The following MORN1 variants were observed in gnomAD, a reference collection of about 807,000 sequenced individuals.
MORN1 encodes the protein MORN repeat containing 1, also known as MORN repeat-containing protein 1.
Under a neutral mutation model 61.9 loss-of-function variants are expected in MORN1, and 67 were observed. That is an observed-to-expected ratio of 1.08 (90% confidence interval 0.89 to 1.33). The LOEUF (loss-of-function observed/expected upper bound fraction) is 1.33. MORN1 is among the 40% of genes most tolerant of loss of function. MORN1 has a pLI of 0.00. For synonymous variants in MORN1, 301 were observed against 292.0 expected, an observed-to-expected ratio of 1.03 and a Z score of -0.31; for missense variants, 752 against 691.2, an observed-to-expected ratio of 1.09 and a Z score of -0.99.
chr1:2,329,267 C>T (rs1271015267), intron 12 of MORN1, among the ~76,000 whole-genome samples: 1 of 152,216 alleles, frequency 6.6e-6, no homozygotes, highest in African/African-American at 2.4e-5. Context: ...TGTTCCCGCC[C>T]GGCCCTCACA....
intron 12 of MORN1, among the ~76,000 whole-genome samples, chr1:2,330,002 G>T (rs1641116281): frequency 6.6e-6 from 1 of 152,190 alleles, no homozygotes; most frequent in African/African-American, 2.4e-5. Flanking sequence ...CGGGTGAGGG[G>T]GGACCCTGGC....
At chr1:2,371,390 G>T (rs555355745) in intron 8 of MORN1, 1 of 152,266 alleles carries the variant, frequency 6.6e-6, no homozygotes, top group Admixed American at 6.5e-5. Flanking sequence ...CTCCAAAGAA[G>T]ATAAACAAAC....
At chr1:2,332,619 C>T (rs777149248) in intron 12 of MORN1, 11 of 456,482 alleles carry the variant, frequency 2.4e-5, no homozygotes, top group African/African-American at 1.0e-4. Context: ...CAGGAGGGCG[C>T]GACGTGGCGT....
intron 2 of MORN1, 28 bp downstream of exon 2, chr1:2,389,897 G>A: frequency 6.2e-7 from 1 of 1,606,302 alleles, no homozygotes; most frequent in African/African-American, 1.3e-5. Flanking sequence ...GGCAGCAGCT[G>A]CAAGAAGAGA....
chr1:2,322,558 A>C, intron 13 of MORN1: 3 of 948,110 alleles, frequency 3.2e-6, no homozygotes, highest in Non-Finnish European at 3.7e-6. Flanking sequence ...CTCCTTTAGA[A>C]AAAAAAAAAC....
chr1:2,349,128 C>T (rs377338290), intron 10 of MORN1, among the ~76,000 whole-genome samples: 187 of 152,312 alleles, frequency 1.2e-3, no homozygotes, highest in African/African-American at 3.9e-3. Flanking sequence ...TCGGAGACCC[C>T]GCTGGCCACC....
At chr1:2,355,285 C>G in intron 10 of MORN1, 1 of 1,444,512 alleles carries the variant, frequency 6.9e-7, no homozygotes, top group South Asian at 1.5e-5. Context: ...CCGGGCCCCC[C>G]GTGGGCCTGT....
chr1:2,332,201 C>T, intron 12 of MORN1: 1 of 195,900 alleles, frequency 5.1e-6, no homozygotes, highest in East Asian at 1.7e-4. Flanking sequence ...CCCAGCGGGG[C>T]TGCCTGTCCT....
intron 10 of MORN1, among the ~76,000 whole-genome samples, chr1:2,348,400 C>T (rs570903379): frequency 4.6e-5 from 7 of 152,288 alleles, no homozygotes; most frequent in African/African-American, 1.2e-4. Context: ...GGCGCGTCTC[C>T]GTGGGGAGCT....
chr1:2,364,758 T>C (rs1263140819), intron 8 of MORN1, among the ~76,000 whole-genome samples: 1 of 151,996 alleles, frequency 6.6e-6, no homozygotes, highest in Non-Finnish European at 1.5e-5. Flanking sequence ...GGAAGGGATC[T>C]AGTTTCAGCT....
At chr1:2,369,777 C>T (rs1264396438) in intron 8 of MORN1, among the ~76,000 whole-genome samples, 2 of 152,130 alleles carry the variant, frequency 1.3e-5, no homozygotes, top group African/African-American at 4.8e-5. Flanking sequence ...TAATAGCTTT[C>T]ACAAAGAAGT....
chr1:2,356,747 C>T (rs1054661415), intron 10 of MORN1, among the ~76,000 whole-genome samples: 2 of 152,202 alleles, frequency 1.3e-5, no homozygotes, highest in African/African-American at 4.8e-5. Context: ...TTGAATCGCA[C>T]ACACTGCTCA....
intron 13 of MORN1, chr1:2,323,054 C>T (rs925091397): frequency 2.0e-6 from 2 of 985,450 alleles, no homozygotes; most frequent in Non-Finnish European, 2.4e-6. Flanking sequence ...GCACATAAAC[C>T]CTGGCCGAGC....
At position 2,385,031 on chromosome 1, in the gene MORN1, C is replaced by A. The variant is rs900717742; in HGVS notation, c.484G>T (p.Asp162Tyr). The change falls in exon 6 of 14, where the codon GAC (aspartate) becomes TAC (tyrosine). Residue 162 changes from aspartate (D) to tyrosine (Y), a missense_variant. Coordinates refer to ENST00000378531, the MANE Select transcript of MORN1 (RefSeq NM_024848.3). ...AGCACCCCGTGTCCCTGACGCCGGT[C>A]CCGGACCCAGTCGCCGTCGTACTTG... ...GDKYDGDWVR[D>Y]RRQGHGVLRC... 1.9e-6 allele frequency: 3 copies of A among 1,599,932 alleles called. No individual in the cohort carries two copies. Among genetic ancestry groups the A allele is most frequent in the East Asian group, 2.2e-5 (1 of 44,504 alleles).
At chr1:2,322,407 A>T in intron 13 of MORN1, 1 of 985,330 alleles carries the variant, frequency 1.0e-6, no homozygotes, top group Non-Finnish European at 1.2e-6. Flanking sequence ...AACATTCCAG[A>T]CGCCGGCCTG....
chr1:2,343,818 G>A (rs1255314081), intron 10 of MORN1, among the ~76,000 whole-genome samples: 3 of 152,188 alleles, frequency 2.0e-5, no homozygotes, highest in African/African-American at 7.2e-5. Flanking sequence ...CCTCTGGCTT[G>A]GGGTTTGGAC....
chr1:2,333,292 TG>T (rs1641198022), intron 12 of MORN1, among the ~76,000 whole-genome samples: 1 of 152,136 alleles, frequency 6.6e-6, no homozygotes, highest in African/African-American at 2.4e-5. Flanking sequence ...TGCCCAGCAG[TG>T]GGGATGCCAG....
chr1:2,322,540 C>T lies in MORN1; in HGVS notation c.1298-961G>A, dbSNP rs987747729. Reference sequence around the variant, plus strand: ...GGGCCGGGAGGAATGTGCTTGGCCCCGAGTCAGCTCCTTTAGAAAAAAAAA... The same window carrying T: ...GGGCCGGGAGGAATGTGCTTGGCCCTGAGTCAGCTCCTTTAGAAAAAAAAA... On this transcript the variant is annotated intron_variant, in intron 13 of 13. Transcript: ENST00000378531. The T allele has an allele frequency of 1.7e-4, 170 of 985,020 alleles. No individual in the cohort carries two copies. In the South Asian group the frequency reaches 2.1e-3, roughly 12 times the overall value. 61.0% of individuals were successfully genotyped at this position (985,020 alleles called of 1,614,324 possible). A position where few individuals can be genotyped will look rare whatever the true frequency, so the allele number is the denominator to read the frequency against.
At chr1:2,327,806 G>C (rs969584223) in intron 12 of MORN1, among the ~76,000 whole-genome samples, 2 of 152,260 alleles carry the variant, frequency 1.3e-5, no homozygotes, top group African/African-American at 4.8e-5. Context: ...GCGGTGACCA[G>C]AATGGCCCAT....
Sources: allele counts gnomAD v4.1 joint callset (sites outside exome capture counted in the v4.1 genomes callset), GRCh38; gene constraint gnomAD v4.1.1; transcripts MANE v1.5; gene names NCBI Gene and HGNC (gene_info 2026-07-23, HGNC 2026-07-21).